TFRC: variants seen among roughly 807,000 people sequenced by gnomAD.
TFRC encodes transferrin receptor.
A neutral mutation model predicts 85.8 loss-of-function variants in TFRC; 35 were observed. The observed-to-expected ratio is 0.41, with a 90% confidence interval of 0.31 to 0.54. The LOEUF (loss-of-function observed/expected upper bound fraction) is 0.54. TFRC is among the 20% of genes least tolerant of loss of function. The pLI is 0.31. For synonymous variants in TFRC, 362 were observed against 328.6 expected (o/e 1.10, Z -1.10); for missense variants, 828 against 921.5 (o/e 0.90, Z 1.31).
chr3:196,074,036 C>T lies in TFRC; in HGVS notation c.328G>A (p.Glu110Lys). 1.2e-6 allele frequency: 2 copies of T among 1,614,156 alleles called. No homozygotes were observed. The highest frequency in any genetic ancestry group is 1.7e-6 in the Non-Finnish European group (2 of 1,180,022). ...GCAGGGAAGTCCTCTCCTGGCTCCT[C>T]CCTCACTGGAGACTCGGTTCCTGCC... Reference protein sequence around the residue: ...RLAGTESPVREEPGEDFPAAR... With the variant: ...RLAGTESPVRKEPGEDFPAAR... Residue 110 changes from glutamate (E) to lysine (K), a missense_variant, in exon 4 of 19, where the codon GAG becomes AAG. Glu to Lys is a moderately conservative substitution (Grantham distance 56). Coordinates refer to ENST00000360110, the MANE Select transcript of TFRC (RefSeq NM_001128148.3).
chr3:196,074,619 G>A (rs910476767), intron 3 of TFRC, among the ~76,000 whole-genome samples: 3 of 152,188 alleles, frequency 2.0e-5, no homozygotes, highest in African/African-American at 7.2e-5. Flanking sequence ...AGTGGCTCAT[G>A]CCTGTAATCC....
rs1279994399 is a variant in TFRC at position 196,049,753 on chromosome 3, T to C, written c.*2189A>G. 2 of 230,224 alleles carry C rather than the reference T, an allele frequency of 8.7e-6. No homozygotes were observed. The highest frequency in any genetic ancestry group is 1.7e-5 in the Non-Finnish European group (2 of 116,210). 14.3% of individuals were successfully genotyped at this position (230,224 alleles called of 1,614,324 possible). On this transcript the variant is annotated 3_prime_UTR_variant, in exon 19 of 19. Transcript: ENST00000360110. ...ACACCCGAACCAGGAATCTCAGCTA[T>C]GACCTTTTCACTTAGCTACGCTAAA...
chr3:196,053,163 A>G (rs1382565785), intron 18 of TFRC, among the ~76,000 whole-genome samples: 1 of 152,214 alleles, frequency 6.6e-6, no homozygotes, highest in African/African-American at 2.4e-5. Flanking sequence ...TTTACAAAGG[A>G]AAACTTTAAA....
rs564093768 is a variant in TFRC, at chr3:196,074,810, C to T, written c.238+349G>A. Among the ~76,000 whole-genome samples the T allele has an allele frequency of 1.1e-4, 16 of 144,736 alleles. No homozygotes were observed. The East Asian group carries it at 2.6e-3, about 24-fold the overall frequency. The allele number at this position is 144,736 out of a possible 152,430, so 95.0% of individuals were successfully genotyped here. ...AGAAGAATCGCTTGAACCTGGGAGG[C>T]GGAGATTGCAGTGAGCCGAAATCAC... On this transcript the variant is annotated intron_variant, in intron 3 of 18. Transcript: ENST00000360110.
chr3:196,067,940 T>A, intron 8 of TFRC, 92 bp downstream of exon 8: 1 of 1,051,576 alleles, frequency 9.5e-7, no homozygotes, highest in Non-Finnish European at 1.4e-6. Context: ...AAAAGAGCAG[T>A]TAAGGAAGAC....
At position 196,053,554 on chromosome 3, in the gene TFRC, A is replaced by T; in HGVS notation, c.1904T>A (p.Met635Lys). ...ATACAGCCACTGTAAACTCAGGCCC[A>T]TTTCCTGAAACAGACATTATTCGCT... ...LNQYRADIKE[M>K]GLSLQWLYSA... Residue 635 changes from methionine to lysine, a missense_variant, in exon 18 of 19, where the codon ATG (methionine) becomes AAG (lysine). Met to Lys is a moderately conservative substitution (Grantham distance 95). Coordinates refer to ENST00000360110, the MANE Select transcript of TFRC (RefSeq NM_001128148.3). 1 of 1,613,992 alleles carries T rather than the reference A, an allele frequency of 6.2e-7. No individual in the cohort carries two copies. The highest frequency in any genetic ancestry group is 2.2e-5 in the East Asian group (1 of 44,878).
At chr3:196,064,268 C>A in intron 11 of TFRC, 41 bp downstream of exon 11, 1 of 1,587,340 alleles carries the variant, frequency 6.3e-7, no homozygotes, top group South Asian at 1.2e-5. Context: ...GAACTGTATG[C>A]AGTGCACCAA....
intron 2 of TFRC, 31 bp from the exon 3 acceptor site, chr3:196,075,391 C>A: frequency 6.2e-7 from 1 of 1,609,380 alleles, no homozygotes; most frequent in Non-Finnish European, 8.5e-7. Context: ...TGATGAAGAA[C>A]AGGCACGGGA....
At chr3:196,075,023 G>A in intron 3 of TFRC, 136 bp downstream of exon 3, 1 of 812,912 alleles carries the variant, frequency 1.2e-6, no homozygotes. Flanking sequence ...TCTAGCCTAG[G>A]CAAGAGAGTA....
intron 13 of TFRC, 137 bp downstream of exon 13, chr3:196,062,445 A>C (rs137972621): frequency 4.1e-6 from 3 of 738,280 alleles, no homozygotes; most frequent in African/African-American, 3.5e-5. Flanking sequence ...AGGCAGGAGA[A>C]TCGCTTGAAT....
chr3:196,059,315 C>T (rs184572604), intron 14 of TFRC, among the ~76,000 whole-genome samples: 45 of 152,206 alleles, frequency 3.0e-4, no homozygotes, highest in African/African-American at 1.1e-3. Context: ...CAGAGGAAGA[C>T]TCCATCTCAA....
At chr3:196,065,417 C>G (rs754536396) in intron 10 of TFRC, 26 bp downstream of exon 10, 83 of 372,018 alleles carry the variant, frequency 2.2e-4, no homozygotes, top group African/African-American at 1.5e-3. Flanking sequence ...AAAAGCGGGG[C>G]GGGGGGGGGG....
chr3:196,064,173 A>G, intron 11 of TFRC, 136 bp downstream of exon 11: 2 of 955,826 alleles, frequency 2.1e-6, no homozygotes, highest in Non-Finnish European at 2.9e-6. Flanking sequence ...AACAAAAGAC[A>G]ATCTGCCTTG....
At chr3:196,076,930 C>A in intron 2 of TFRC, 134 bp downstream of exon 2, 2 of 811,688 alleles carry the variant, frequency 2.5e-6, no homozygotes, top group Non-Finnish European at 4.0e-6. Flanking sequence ...AGTTATGCCT[C>A]AAGACTACCA....
At chr3:196,064,198 A>G in intron 11 of TFRC, 111 bp downstream of exon 11, 2 of 1,179,980 alleles carry the variant, frequency 1.7e-6, no homozygotes, top group Non-Finnish European at 1.1e-6. Context: ...TAAGAACTAG[A>G]GTCTAGCATG....
intron 9 of TFRC, among the ~76,000 whole-genome samples, chr3:196,066,159 AC>A (rs1450705514): frequency 6.6e-6 from 1 of 152,202 alleles, no homozygotes; most frequent in African/African-American, 2.4e-5. Flanking sequence ...AGACATACTT[AC>A]GTAGTTTATA....
At chr3:196,080,669 A>C (rs1560095363) in intron 1 of TFRC, among the ~76,000 whole-genome samples, 2 of 152,248 alleles carry the variant, frequency 1.3e-5, no homozygotes, top group Non-Finnish European at 2.9e-5. Flanking sequence ...ACTGCTGTCT[A>C]TCTAACAATC....
At chr3:196,073,206 A>T (rs959527293) in intron 4 of TFRC, among the ~76,000 whole-genome samples, 1 of 151,556 alleles carries the variant, frequency 6.6e-6, no homozygotes, top group Non-Finnish European at 1.5e-5. Context: ...GGCAACACGT[A>T]AGACTCCATC....
chr3:196,070,859 T>G, intron 6 of TFRC, among the ~76,000 whole-genome samples: 1 of 151,800 alleles, frequency 6.6e-6, no homozygotes, highest in South Asian at 2.1e-4. Context: ...AGAGGCTCAC[T>G]TGAGCCTGGG....
Sources: allele counts gnomAD v4.1 joint callset (sites outside exome capture counted in the v4.1 genomes callset), GRCh38; gene constraint gnomAD v4.1.1; transcripts MANE v1.5; gene names NCBI Gene and HGNC (gene_info 2026-07-23, HGNC 2026-07-21).